Variants in MYO5A observed in about 807,000 individuals in gnomAD.
MYO5A encodes the protein unconventional myosin-Va.
MYO5A carries 98 observed loss-of-function variants against 249.7 expected under a neutral mutation model. The ratio of observed to expected loss-of-function variants is 0.39; its 90% CI spans 0.33 to 0.46. The LOEUF (loss-of-function observed/expected upper bound fraction) is 0.46. Among genes scored for constraint, MYO5A ranks in the 20% least tolerant of loss-of-function variants. The pLI is 0.98. For synonymous variants in MYO5A, 778 were observed against 810.6 expected, an observed-to-expected ratio of 0.96 and a Z score of 0.68; for missense variants, 1,696 against 2,308.8, an observed-to-expected ratio of 0.73 and a Z score of 5.44.
intron 6 of MYO5A, 100 bp downstream of exon 6, chr15:52,410,233 G>T: frequency 7.5e-7 from 1 of 1,331,508 alleles, no homozygotes; most frequent in Non-Finnish European, 1.1e-6. Flanking sequence ...GTCATAATAT[G>T]CTCAAGAGTA....
At chr15:52,421,316 A>C (rs1405713319) in intron 4 of MYO5A, among the ~76,000 whole-genome samples, 1 of 152,210 alleles carries the variant, frequency 6.6e-6, no homozygotes, top group African/African-American at 2.4e-5. Context: ...GTAATAAATT[A>C]ATTCAGAAAT....
chr15:52,488,206 TAAA>T (rs5812610), intron 1 of MYO5A, among the ~76,000 whole-genome samples: 3 of 148,264 alleles, frequency 2.0e-5, no homozygotes, highest in Admixed American at 6.7e-5. Context: ...AGAGAAGGAT[TAAA>T]AAAAAAAAAA....
At position 52,405,287 on chromosome 15, in the gene MYO5A, A is replaced by G. The variant is rs1645558764; in HGVS notation, c.1053T>C (p.Pro351=). Residue 351 remains proline, a splice_region_variant and synonymous_variant, in exon 9 of 42, where the codon CCT becomes CCC. Transcript: ENST00000399233. ...TSRDADSCTI[P]PKHEPLCIFC... The stretch of plus-strand genomic sequence containing the variant: ...CCACTAAAGCTTATTCTGAACTTAC[A>G]GGTATTGTGCAGCTGTCTGCATCTC... The G allele has an allele frequency of 6.2e-7, 1 of 1,602,588 alleles. No individual in the cohort carries two copies. The highest frequency in any genetic ancestry group is 8.6e-7 in the Non-Finnish European group (1 of 1,169,540).
chr15:52,317,729 G>A (rs2038092593), intron 39 of MYO5A, among the ~76,000 whole-genome samples: 1 of 152,196 alleles, frequency 6.6e-6, no homozygotes, highest in African/African-American at 2.4e-5. Flanking sequence ...AGATGAAGAT[G>A]GTGGCCTGAG....
At chr15:52,417,506 T>A (rs1444605696) in intron 4 of MYO5A, among the ~76,000 whole-genome samples, 1 of 152,232 alleles carries the variant, frequency 6.6e-6, no homozygotes, top group Non-Finnish European at 1.5e-5. Flanking sequence ...AAAAGTTAAA[T>A]AAGTCATGAT....
In MYO5A at chr15:52,407,947, T is replaced by C. The variant is rs894767876; in HGVS notation, c.838+112A>G. The C allele has an allele frequency of 8.0e-6, 6 of 751,700 alleles. No individual in the cohort carries two copies. In the African/African-American group the frequency reaches 1.0e-4, roughly 13 times the overall value. The allele number at this position is 751,700 out of a possible 1,614,324, so 46.6% of individuals were successfully genotyped here. On this transcript the variant is annotated intron_variant, in intron 7 of 41. Coordinates refer to ENST00000399233, the MANE Select transcript of MYO5A (RefSeq NM_001382347.1). ...GCCAAGGGCTGACTTTTTATCATATTATCCATAAGTATTCCAACATGAGAT... is the reference window on the plus strand; with the variant it reads ...GCCAAGGGCTGACTTTTTATCATATCATCCATAAGTATTCCAACATGAGAT...
intron 34 of MYO5A, among the ~76,000 whole-genome samples, chr15:52,334,025 CTAT>C (rs2039005694): frequency 6.6e-6 from 1 of 152,170 alleles, no homozygotes; most frequent in South Asian, 2.1e-4. Flanking sequence ...TTCTTAAGAA[CTAT>C]TATAATGCCT....
chr15:52,416,482 G>GAT (rs68173726), intron 4 of MYO5A, among the ~76,000 whole-genome samples, 181 bp from the exon 5 acceptor site: 6 of 146,220 alleles, frequency 4.1e-5, no homozygotes, highest in South Asian at 2.2e-4. Flanking sequence ...AATGTTGCAG[G>GAT]ATATATATAT....
chr15:52,447,163 T>G (rs2075909469), intron 1 of MYO5A, among the ~76,000 whole-genome samples: 1 of 152,148 alleles, frequency 6.6e-6, no homozygotes, highest in Admixed American at 6.5e-5. Context: ...TCCCTAATGC[T>G]GGAGGTAGGG....
At chr15:52,503,337 T>A (rs2077196626) in intron 1 of MYO5A, among the ~76,000 whole-genome samples, 1 of 152,098 alleles carries the variant, frequency 6.6e-6, no homozygotes, top group East Asian at 1.9e-4. Flanking sequence ...AAAAATAAAT[T>A]TAGGCTGGGC....
At position 52,313,667 on chromosome 15, in the gene MYO5A, T is replaced by C; in HGVS notation, c.*29A>G. On this transcript the variant is annotated 3_prime_UTR_variant, in exon 42 of 42. Transcript: ENST00000399233. The stretch of plus-strand genomic sequence containing the variant: ...GGGTTCTTATTTCGGGCAAGAAATG[T>C]ATTGTCAATTTTTGCCTGGACATCA... The C allele has an allele frequency of 6.2e-7, 1 of 1,613,316 alleles. No homozygotes were observed. Among genetic ancestry groups the C allele is most frequent in the South Asian group, 1.1e-5 (1 of 91,046 alleles).
intron 4 of MYO5A, among the ~76,000 whole-genome samples, chr15:52,421,450 T>C (rs1039334011): frequency 2.6e-5 from 4 of 152,222 alleles, no homozygotes; most frequent in African/African-American, 9.6e-5. Context: ...TTTTTCGAAG[T>C]GTTTTTGTGT....
rs188794506 is a variant in MYO5A, at chr15:52,473,079, G to A, written c.28-39794C>T. 2.6e-3 allele frequency among the ~76,000 whole-genome samples: 393 copies of A among 152,236 alleles called. 2 individuals carry two copies. Among genetic ancestry groups the A allele is most frequent in the African/African-American group, 8.9e-3 (369 of 41,514 alleles). Reference sequence around the variant, plus strand: ...GTTGTTTCCTGACTTTTTAATGATCGCCATTCTAACTGGTGTGAGATGGTA... The same window carrying A: ...GTTGTTTCCTGACTTTTTAATGATCACCATTCTAACTGGTGTGAGATGGTA... On this transcript the variant is annotated intron_variant, in intron 1 of 41. Transcript: ENST00000399233.
intron 1 of MYO5A, among the ~76,000 whole-genome samples, chr15:52,519,001 A>C (rs568339883): frequency 6.6e-6 from 1 of 152,198 alleles, no homozygotes. Context: ...ATAACAAATC[A>C]TAACAGGGCA....
intron 1 of MYO5A, among the ~76,000 whole-genome samples, chr15:52,464,163 C>T (rs368072700): frequency 2.0e-5 from 3 of 152,296 alleles, no homozygotes; most frequent in South Asian, 4.1e-4. Flanking sequence ...ACAGTTTTGT[C>T]GCCAGCCCAA....
intron 14 of MYO5A, 121 bp from the exon 15 acceptor site, chr15:52,384,443 A>G: frequency 9.9e-7 from 1 of 1,013,052 alleles, no homozygotes. Flanking sequence ...CACACTCCAG[A>G]AAGAGTCAGT....
chr15:52,479,365 A>G (rs949936920), intron 1 of MYO5A, among the ~76,000 whole-genome samples: 4 of 152,188 alleles, frequency 2.6e-5, no homozygotes, highest in African/African-American at 9.7e-5. Context: ...TTATGTATTC[A>G]TGACATAACT....
intron 1 of MYO5A, among the ~76,000 whole-genome samples, chr15:52,455,269 T>C (rs1439211169): frequency 3.3e-5 from 5 of 152,000 alleles, no homozygotes; most frequent in East Asian, 1.9e-4. Flanking sequence ...AATGAAAAAA[T>C]TGAAAACCTG....
chr15:52,345,259 T>C (rs1228697667), intron 30 of MYO5A, among the ~76,000 whole-genome samples: 1 of 152,188 alleles, frequency 6.6e-6, no homozygotes, highest in Non-Finnish European at 1.5e-5. Flanking sequence ...TAATACTCTG[T>C]AAATAACTGT....
Sources: gnomAD v4.1 joint callset for allele counts (sites outside exome capture counted in the v4.1 genomes callset) on GRCh38, gnomAD v4.1.1 for gene constraint, MANE v1.5 for transcripts, NCBI Gene and HGNC (gene_info 2026-07-23, HGNC 2026-07-21) for gene names.